NEGR1: variants seen among roughly 807,000 people sequenced by gnomAD.
NEGR1 encodes neuronal growth regulator 1.
A neutral mutation model predicts 40.9 loss-of-function variants in NEGR1; 10 were observed. The observed-to-expected ratio is 0.24, with a 90% CI of 0.15 to 0.42. NEGR1 has a LOEUF of 0.42. Among genes scored for constraint, NEGR1 ranks in the 10% least tolerant of loss-of-function variants. The probability of loss-of-function intolerance (pLI) is 1.00; values close to 1 mark genes in which losing one functional copy is unlikely to be tolerated. For missense variants in NEGR1, 352 were observed against 438.9 expected, an observed-to-expected ratio of 0.80 and a Z score of 1.77; for synonymous variants, 185 against 166.8, an observed-to-expected ratio of 1.11 and a Z score of -0.84.
intron 1 of NEGR1, among the ~76,000 whole-genome samples, chr1:72,100,072 T>C (rs1439594625): frequency 1.3e-5 from 2 of 152,110 alleles, no homozygotes; most frequent in Non-Finnish European, 2.9e-5. Context: ...ATAAAGTAAT[T>C]TGATTCTTTT....
chr1:72,247,575 A>G (rs916002730), intron 1 of NEGR1, among the ~76,000 whole-genome samples: 6 of 152,282 alleles, frequency 3.9e-5, no homozygotes, highest in Non-Finnish European at 5.9e-5. Flanking sequence ...TCCAGTTCCC[A>G]ATAACTTCCT....
At chr1:71,564,423 A>C (rs1648555234) in intron 6 of NEGR1, among the ~76,000 whole-genome samples, 2 of 152,214 alleles carry the variant, frequency 1.3e-5, no homozygotes, top group South Asian at 2.1e-4. Flanking sequence ...TATCTTCCCC[A>C]TTCTGCTATC....
At chr1:72,059,606 T>C (rs1368738068) in intron 1 of NEGR1, among the ~76,000 whole-genome samples, 1 of 151,698 alleles carries the variant, frequency 6.6e-6, no homozygotes, top group Non-Finnish European at 1.5e-5. Context: ...CAACAAGTTT[T>C]GAAATAGTAA....
At chr1:71,643,206 A>T (rs937873973) in intron 4 of NEGR1, among the ~76,000 whole-genome samples, 3 of 151,962 alleles carry the variant, frequency 2.0e-5, no homozygotes, top group Non-Finnish European at 4.4e-5. Flanking sequence ...ACTTTTTTCC[A>T]TGCATATTCT....
chr1:72,048,219 G>A (rs921033882), intron 1 of NEGR1, among the ~76,000 whole-genome samples: 6 of 151,416 alleles, frequency 4.0e-5, no homozygotes, highest in Non-Finnish European at 5.9e-5. Context: ...AAGTGATAAC[G>A]ACAGCACTTA....
intron 1 of NEGR1, among the ~76,000 whole-genome samples, chr1:72,197,595 C>G (rs1653044583): frequency 6.6e-6 from 1 of 152,102 alleles, no homozygotes; most frequent in Non-Finnish European, 1.5e-5. Context: ...ACTTTATTCA[C>G]TAGCACAGGC....
intron 2 of NEGR1, among the ~76,000 whole-genome samples, chr1:71,836,080 C>G (rs1255162561): frequency 6.6e-6 from 1 of 152,060 alleles, no homozygotes; most frequent in African/African-American, 2.4e-5. Context: ...CTCATACTGC[C>G]TCTACCCCCT....
chr1:71,729,811 T>C (rs546527425), intron 3 of NEGR1, among the ~76,000 whole-genome samples: 1 of 151,568 alleles, frequency 6.6e-6, no homozygotes, highest in East Asian at 1.9e-4. Flanking sequence ...CTAATTTTTG[T>C]TTTTTTGTTT....
At chr1:72,042,079 C>A (rs1646961806) in intron 1 of NEGR1, among the ~76,000 whole-genome samples, 2 of 150,624 alleles carry the variant, frequency 1.3e-5, no homozygotes, top group African/African-American at 4.9e-5. Flanking sequence ...TGGGGTGAAT[C>A]TCCACCTCAA....
intron 1 of NEGR1, among the ~76,000 whole-genome samples, chr1:72,068,763 T>G (rs1647344331): frequency 6.6e-6 from 1 of 152,136 alleles, no homozygotes; most frequent in African/African-American, 2.4e-5. Context: ...TATTGGTGAT[T>G]TTGTCTTACC....
chr1:71,633,652 C>G (rs894226869), intron 4 of NEGR1, among the ~76,000 whole-genome samples: 5 of 152,108 alleles, frequency 3.3e-5, no homozygotes, highest in African/African-American at 1.2e-4. Flanking sequence ...TCTTTGGCTT[C>G]TCTCTACCTC....
intron 1 of NEGR1, among the ~76,000 whole-genome samples, chr1:72,104,695 T>G (rs1399904973): frequency 6.6e-6 from 1 of 152,154 alleles, no homozygotes; most frequent in Non-Finnish European, 1.5e-5. Context: ...CCACAATTAA[T>G]TTGATAGACT....
intron 6 of NEGR1, among the ~76,000 whole-genome samples, chr1:71,544,294 A>G (rs758756091): frequency 7.2e-5 from 11 of 151,726 alleles, no homozygotes; most frequent in Non-Finnish European, 1.6e-4. Context: ...GAGAAAAAAC[A>G]TATTTTTGAT....
chr1:71,778,325 T>G (rs944610905), intron 2 of NEGR1, among the ~76,000 whole-genome samples: 1 of 152,072 alleles, frequency 6.6e-6, no homozygotes, highest in Non-Finnish European at 1.5e-5. Flanking sequence ...AACAATTATG[T>G]TTTCATTTTC....
At chr1:71,988,320 A>T (rs1646417712) in intron 1 of NEGR1, among the ~76,000 whole-genome samples, 1 of 152,086 alleles carries the variant, frequency 6.6e-6, no homozygotes, top group South Asian at 2.1e-4. Context: ...CGGGTGGATT[A>T]TGAGGTCAGG....
At chr1:72,088,026 G>A (rs1569942313) in intron 1 of NEGR1, among the ~76,000 whole-genome samples, 1 of 152,112 alleles carries the variant, frequency 6.6e-6, no homozygotes, top group East Asian at 1.9e-4. Context: ...GTTTTCACCT[G>A]GTGAGGTATA....
chr1:72,248,674 C>T (rs1000527693), intron 1 of NEGR1, among the ~76,000 whole-genome samples: 1 of 150,930 alleles, frequency 6.6e-6, no homozygotes, highest in Non-Finnish European at 1.5e-5. Context: ...TCTTGGCCCA[C>T]TGCAACGTCT....
chr1:71,955,553 C>T (rs1646112658), intron 1 of NEGR1, among the ~76,000 whole-genome samples: 1 of 152,106 alleles, frequency 6.6e-6, no homozygotes, highest in South Asian at 2.1e-4. Context: ...ACACTCATTT[C>T]TTATATAACC....
intron 4 of NEGR1, among the ~76,000 whole-genome samples, chr1:71,644,942 C>T (rs1027619530): frequency 6.6e-6 from 1 of 151,754 alleles, no homozygotes; most frequent in African/African-American, 2.4e-5. Context: ...TATTTTTTCC[C>T]CTCAAACAAT....
Sources: gnomAD v4.1 joint callset for allele counts (sites outside exome capture counted in the v4.1 genomes callset) on GRCh38, gnomAD v4.1.1 for gene constraint, MANE v1.5 for transcripts, NCBI Gene and HGNC (gene_info 2026-07-23, HGNC 2026-07-21) for gene names.